Variants in IGSF21 observed in about 807,000 individuals in gnomAD.
IGSF21 encodes immunoglobin superfamily member 21, also known as immunoglobulin superfamily member 21.
Under a neutral mutation model 46.8 loss-of-function variants are expected in IGSF21, and 28 were observed. The ratio of observed to expected loss-of-function variants is 0.60; its 90% CI spans 0.44 to 0.82. The LOEUF (loss-of-function observed/expected upper bound fraction) is 0.82, where lower values mean the gene tolerates loss of function less well. IGSF21 is among the 40% of genes least tolerant of loss of function. IGSF21 has a pLI of 0.00. For missense variants in IGSF21, 624 were observed against 665.5 expected (o/e 0.94, Z 0.69); for synonymous variants, 284 against 273.6 (o/e 1.04, Z -0.38).
At chr1:18,186,322 T>C (rs2086902693) in intron 1 of IGSF21, among the ~76,000 whole-genome samples, 2 of 152,106 alleles carry the variant, frequency 1.3e-5, no homozygotes, top group African/African-American at 4.8e-5. Flanking sequence ...TGAATCTCAA[T>C]CTCTCTGTCT....
At chr1:18,215,116 C>T (rs533534975) in intron 1 of IGSF21, among the ~76,000 whole-genome samples, 8 of 152,196 alleles carry the variant, frequency 5.3e-5, no homozygotes, top group Admixed American at 3.3e-4. Context: ...AATCTGCCCC[C>T]GTGATCCAGT....
intron 1 of IGSF21, among the ~76,000 whole-genome samples, chr1:18,163,091 A>G (rs1294800539): frequency 6.6e-6 from 1 of 152,110 alleles, no homozygotes; most frequent in Non-Finnish European, 1.5e-5. Flanking sequence ...AGATGTTTCC[A>G]TGGGGCTTGG....
chr1:18,154,551 C>T (rs1465469738), intron 1 of IGSF21, among the ~76,000 whole-genome samples: 1 of 151,434 alleles, frequency 6.6e-6, no homozygotes, highest in Non-Finnish European at 1.5e-5. Flanking sequence ...TGCAATGGAT[C>T]TGATGCTGAG....
chr1:18,253,253 CA>C (rs951795302), intron 2 of IGSF21, among the ~76,000 whole-genome samples: 13 of 152,302 alleles, frequency 8.5e-5, no homozygotes, highest in East Asian at 7.7e-4. Context: ...CCCAGAGGGC[CA>C]GGGGGGGCCT....
intron 1 of IGSF21, among the ~76,000 whole-genome samples, chr1:18,201,221 C>T (rs993944173): frequency 6.6e-6 from 1 of 152,038 alleles, no homozygotes; most frequent in Non-Finnish European, 1.5e-5. Flanking sequence ...AGGGACTGAG[C>T]GCGTGCTCAG....
intron 1 of IGSF21, among the ~76,000 whole-genome samples, chr1:18,185,522 AG>A (rs2086895400): frequency 6.6e-6 from 1 of 152,222 alleles, no homozygotes; most frequent in Non-Finnish European, 1.5e-5. Context: ...TTTAAGCTGC[AG>A]GTTGTGCAGC....
At chr1:18,309,538 G>A (rs944474702) in intron 3 of IGSF21, among the ~76,000 whole-genome samples, 3 of 152,156 alleles carry the variant, frequency 2.0e-5, no homozygotes, top group Non-Finnish European at 2.9e-5. Context: ...CCCCATTGGC[G>A]TGGAAGTTCA....
In IGSF21 at chr1:18,378,302, G is replaced by A; in HGVS notation, c.1380G>A (p.Leu460=). 1 of 1,613,924 alleles carries A rather than the reference G, an allele frequency of 6.2e-7. No homozygotes were observed. Among genetic ancestry groups the A allele is most frequent in the Non-Finnish European group, 8.5e-7 (1 of 1,179,938 alleles). Residue 460 remains leucine, a synonymous_variant, in exon 10 of 10, where the codon CTG becomes CTA. Transcript: ENST00000251296. The stretch of plus-strand genomic sequence containing the variant: ...CCCGGCTCACCTTGGTGCTCGCCCT[G>A]ACAGTGATTCTGGAGCTGACGTGAA... The part of the protein sequence containing the change: ...TGARLTLVLA[L]TVILELT
intron 2 of IGSF21, among the ~76,000 whole-genome samples, chr1:18,285,506 G>T (rs1031847761): frequency 6.6e-6 from 1 of 152,152 alleles, no homozygotes; most frequent in African/African-American, 2.4e-5. Flanking sequence ...GGCATTCAGG[G>T]CAGCAAAGAG....
intron 1 of IGSF21, among the ~76,000 whole-genome samples, chr1:18,207,319 G>T (rs1380796258): frequency 1.3e-5 from 2 of 152,282 alleles, no homozygotes; most frequent in East Asian, 3.9e-4. Context: ...CTATCTTAAG[G>T]TCAAGGGTGT....
In IGSF21 at chr1:18,376,794, C is replaced by A; in HGVS notation, c.1102-6C>A. ...TGACCCACCTCTCCCCTGATCTGGC[C>A]AACAGAACGAAGTCTTCCCGGAGCC... On this transcript the variant is annotated splice_region_variant and splice_polypyrimidine_tract_variant and intron_variant, in intron 7 of 9. Coordinates refer to ENST00000251296, the MANE Select transcript of IGSF21 (RefSeq NM_032880.5). 6.3e-7 allele frequency: 1 copy of A among 1,579,790 alleles called. No individual in the cohort carries two copies. Among genetic ancestry groups the A allele is most frequent in the Non-Finnish European group, 8.6e-7 (1 of 1,157,494 alleles).
chr1:18,226,698 T>C (rs1275314423), intron 1 of IGSF21, among the ~76,000 whole-genome samples: 1 of 152,216 alleles, frequency 6.6e-6, no homozygotes, highest in African/African-American at 2.4e-5. Flanking sequence ...TTGTAACCAT[T>C]GAGTTCCAGG....
intron 3 of IGSF21, among the ~76,000 whole-genome samples, chr1:18,323,408 G>C (rs537469925): frequency 6.6e-6 from 1 of 152,164 alleles, no homozygotes; most frequent in African/African-American, 2.4e-5. Flanking sequence ...AGCCCCACCC[G>C]TCCAGCACCA....
chr1:18,375,524 A>G (rs907947811), intron 6 of IGSF21, among the ~76,000 whole-genome samples: 1 of 152,214 alleles, frequency 6.6e-6, no homozygotes, highest in African/African-American at 2.4e-5. Flanking sequence ...GCCTTTGGGC[A>G]TCTTGGCTTT....
rs554305836 is a variant in IGSF21 at position 18,291,121 on chromosome 1, C to T, written c.184-745C>T. On this transcript the variant is annotated intron_variant, in intron 2 of 9. Transcript: ENST00000251296. ...GCGCAGATGTGGGGAAGCAGGCGGG[C>T]GGCAGCTGAGGGCACGGACGCTTGG... 3.0e-4 allele frequency among the ~76,000 whole-genome samples: 45 copies of T among 152,342 alleles called. No homozygotes were observed. The South Asian group carries it at 3.1e-3, about 11-fold the overall frequency.
intron 1 of IGSF21, among the ~76,000 whole-genome samples, chr1:18,212,144 C>T (rs1042724247): frequency 6.6e-6 from 1 of 152,230 alleles, no homozygotes; most frequent in African/African-American, 2.4e-5. Context: ...GGCAGCACGG[C>T]CCCCGGGTGC....
At chr1:18,279,145 C>T (rs2085133698) in intron 2 of IGSF21, among the ~76,000 whole-genome samples, 1 of 152,318 alleles carries the variant, frequency 6.6e-6, no homozygotes, top group South Asian at 2.1e-4. Context: ...GGGGCCCCAC[C>T]TCCTCATTTG....
At chr1:18,350,937 G>A (rs541537332) in intron 4 of IGSF21, among the ~76,000 whole-genome samples, 2 of 151,952 alleles carry the variant, frequency 1.3e-5, no homozygotes, top group African/African-American at 4.8e-5. Flanking sequence ...GCCCAGTGGT[G>A]CTGGGAGTGG....
intron 2 of IGSF21, among the ~76,000 whole-genome samples, chr1:18,272,592 C>G (rs758238987): frequency 7.2e-5 from 11 of 152,260 alleles, no homozygotes; most frequent in Non-Finnish European, 1.5e-4. Context: ...GAAGATCCAT[C>G]ACCCATGTGA....
Sources: allele counts gnomAD v4.1 joint callset (sites outside exome capture counted in the v4.1 genomes callset), GRCh38; gene constraint gnomAD v4.1.1; transcripts MANE v1.5; gene names NCBI Gene and HGNC (gene_info 2026-07-23, HGNC 2026-07-21).